The following AJAP1 variants were observed in gnomAD, a reference collection of about 807,000 sequenced individuals.
The protein encoded by AJAP1 is adherens junction-associated protein 1.
Under a neutral mutation model 35.0 loss-of-function variants are expected in AJAP1, and 5 were observed. The ratio of observed to expected loss-of-function variants is 0.14; its 90% CI spans 0.07 to 0.30. The LOEUF is 0.30. Ranked by LOEUF, AJAP1 falls within the 10% of genes least tolerant of loss-of-function variation. The pLI, the probability that AJAP1 is intolerant of heterozygous loss-of-function variation, is 1.00. For synonymous variants in AJAP1, 284 were observed against 249.3 expected (o/e 1.14, Z -1.31); for missense variants, 586 against 571.0 (o/e 1.03, Z -0.27).
chr1:4,785,750 C>T lies in AJAP1; in HGVS notation c.*3265C>T, dbSNP rs1642150382. ...CCCATCCCCCACCCAAGGCCTGGTC[C>T]TTTCCTTTGCTTGAGCTTTTATTCC... On this transcript the variant is annotated 3_prime_UTR_variant, in exon 6 of 6. Coordinates refer to ENST00000378191, the MANE Select transcript of AJAP1 (RefSeq NM_018836.4). 1 of 152,182 alleles carries T rather than the reference C, an allele frequency of 6.6e-6. No homozygotes were observed. The highest frequency in any genetic ancestry group is 1.5e-5 in the Non-Finnish European group (1 of 68,046). 9.4% of individuals were successfully genotyped at this position (152,182 alleles called of 1,614,324 possible).
intron 1 of AJAP1, among the ~76,000 whole-genome samples, chr1:4,711,621 T>C (rs1325577499): frequency 1.3e-5 from 2 of 152,174 alleles, no homozygotes; most frequent in Non-Finnish European, 2.9e-5. Flanking sequence ...AATGGACTAT[T>C]CGGCGACCGG....
At chr1:4,764,966 A>G (rs1641648157) in intron 2 of AJAP1, among the ~76,000 whole-genome samples, 2 of 152,232 alleles carry the variant, frequency 1.3e-5, no homozygotes, top group East Asian at 3.8e-4. Flanking sequence ...CACCACAAAT[A>G]TAACCATAAA....
intron 1 of AJAP1, among the ~76,000 whole-genome samples, chr1:4,701,939 C>T (rs1557615518): frequency 6.6e-6 from 1 of 152,194 alleles, no homozygotes; most frequent in Non-Finnish European, 1.5e-5. Flanking sequence ...CCCCCAACAC[C>T]CCGCCATGCA....
In AJAP1 at chr1:4,693,075, T is replaced by C. The variant is rs1639780170; in HGVS notation, c.30-18825T>C. Among the ~76,000 whole-genome samples the C allele has an allele frequency of 6.6e-6, 1 of 152,178 alleles. No homozygotes were observed. The highest frequency in any genetic ancestry group is 1.9e-4 in the East Asian group (1 of 5,186). ...ACCTCAGCTGTGCTTTACAGTTTCC[T>C]GGAAGCCACCCTTCCCTCACCATGG... is the stretch of plus-strand genomic sequence containing the variant. On this transcript the variant is annotated intron_variant, in intron 1 of 5. Coordinates refer to ENST00000378191, the MANE Select transcript of AJAP1 (RefSeq NM_018836.4). The surrounding 1 kb of genome is among the most constrained non-coding windows in gnomAD (Gnocchi z 4.4).
intron 4 of AJAP1, among the ~76,000 whole-genome samples, chr1:4,774,210 C>T (rs1641897389): frequency 1.3e-5 from 2 of 152,238 alleles, no homozygotes; most frequent in South Asian, 4.1e-4. Flanking sequence ...CAGTCTGTGT[C>T]TTCCAAAGCC....
intron 1 of AJAP1, among the ~76,000 whole-genome samples, chr1:4,687,105 C>T (rs1639623095): frequency 6.6e-6 from 1 of 152,152 alleles, no homozygotes; most frequent in Non-Finnish European, 1.5e-5. Flanking sequence ...TCTGTGTAGG[C>T]CTTTTCCTCG....
intron 2 of AJAP1, among the ~76,000 whole-genome samples, chr1:4,743,877 A>G (rs1641125856): frequency 6.6e-6 from 1 of 152,134 alleles, no homozygotes; most frequent in African/African-American, 2.4e-5. Flanking sequence ...AGTCTTGATG[A>G]TATAATTACG....
intron 5 of AJAP1, among the ~76,000 whole-genome samples, chr1:4,775,138 C>G (rs1641917356): frequency 6.6e-6 from 1 of 152,192 alleles, no homozygotes; most frequent in Non-Finnish European, 1.5e-5. Flanking sequence ...GATGAATTTT[C>G]CACGCTCTGC....
chr1:4,760,345 G>A (rs565023920), intron 2 of AJAP1, among the ~76,000 whole-genome samples: 1 of 152,002 alleles, frequency 6.6e-6, no homozygotes, highest in South Asian at 2.1e-4. Flanking sequence ...GAGTCTGTGT[G>A]TGTGTATGAG....
chr1:4,703,993 G>A (rs556602263), intron 1 of AJAP1, among the ~76,000 whole-genome samples: 1 of 152,218 alleles, frequency 6.6e-6, no homozygotes, highest in East Asian at 1.9e-4. Context: ...TCCCCACAAC[G>A]CCCTGTATGT....
At chr1:4,678,131 A>G (rs1287752869) in intron 1 of AJAP1, among the ~76,000 whole-genome samples, 1 of 152,178 alleles carries the variant, frequency 6.6e-6, no homozygotes, top group Admixed American at 6.5e-5. Context: ...TTGAATTACC[A>G]TCTCCCTTGT....
chr1:4,714,410 T>C (rs368925823), intron 2 of AJAP1, among the ~76,000 whole-genome samples: 5 of 152,322 alleles, frequency 3.3e-5, no homozygotes, highest in African/African-American at 1.2e-4. Flanking sequence ...ATCATCATAG[T>C]AGGATTTCTT....
intron 4 of AJAP1, among the ~76,000 whole-genome samples, chr1:4,774,154 C>G (rs1165310570): frequency 6.6e-6 from 1 of 152,238 alleles, no homozygotes; most frequent in Non-Finnish European, 1.5e-5. Flanking sequence ...GGAGACGGCA[C>G]AGCCTTCCGG....
In AJAP1 at chr1:4,782,865, T is replaced by G. The variant is rs1490119736; in HGVS notation, c.*380T>G. The G allele has an allele frequency of 2.5e-6, 1 of 398,498 alleles. No individual in the cohort carries two copies. Among genetic ancestry groups the G allele is most frequent in the Non-Finnish European group, 4.4e-6 (1 of 226,072 alleles). 24.7% of individuals were successfully genotyped at this position (398,498 alleles called of 1,614,324 possible). A position where few individuals can be genotyped will look rare whatever the true frequency, so the allele number is the denominator to read the frequency against. The stretch of plus-strand genomic sequence containing the variant: ...AAACCTAGGATTCGTCCTACGATTC[T>G]GAACCTGTGCCAATAATACCATTAT... On this transcript the variant is annotated 3_prime_UTR_variant, in exon 6 of 6. Transcript: ENST00000378191. This position sits in a 1 kb window ranked among gnomAD's most constrained non-coding sequence, Gnocchi z 5.3.
chr1:4,694,535 C>A (rs1405687147), intron 1 of AJAP1, among the ~76,000 whole-genome samples: 3 of 152,206 alleles, frequency 2.0e-5, no homozygotes, highest in African/African-American at 4.8e-5. Context: ...AGCATAAACT[C>A]CCGAGTGGTC....
intron 3 of AJAP1, among the ~76,000 whole-genome samples, chr1:4,770,847 C>G (rs1306746595): frequency 6.6e-6 from 1 of 152,156 alleles, no homozygotes; most frequent in Non-Finnish European, 1.5e-5. Context: ...CCACAACAGA[C>G]CTCCCACTCG....
intron 1 of AJAP1, among the ~76,000 whole-genome samples, chr1:4,661,104 T>C (rs1246936900): frequency 6.6e-6 from 1 of 152,182 alleles, no homozygotes; most frequent in Non-Finnish European, 1.5e-5. Context: ...ATCACCTCAT[T>C]TGGGGCTTTA....
intron 1 of AJAP1, among the ~76,000 whole-genome samples, chr1:4,700,291 G>A (rs1639956742): frequency 6.6e-6 from 1 of 152,114 alleles, no homozygotes; most frequent in Non-Finnish European, 1.5e-5. Flanking sequence ...GGAGGCCCTG[G>A]GGACACTCCT....
At chr1:4,771,741 G>A (rs1641840049) in intron 3 of AJAP1, among the ~76,000 whole-genome samples, 1 of 152,194 alleles carries the variant, frequency 6.6e-6, no homozygotes, top group Admixed American at 6.5e-5. Context: ...GGACAAGCCA[G>A]CTCGTCATTT....
Sources: gnomAD v4.1 joint callset for allele counts (sites outside exome capture counted in the v4.1 genomes callset) on GRCh38, gnomAD v4.1.1 for gene constraint, Gnocchi (gnomAD v3.1) non-coding constraint, MANE v1.5 for transcripts, NCBI Gene and HGNC (gene_info 2026-07-23, HGNC 2026-07-21) for gene names.